RBM19: variants seen among roughly 807,000 people sequenced by gnomAD.
RBM19 encodes RNA binding motif protein 19.
In RBM19, 94 loss-of-function variants were observed where a neutral mutation model predicts 116.8. The observed-to-expected ratio is 0.80, with a 90% CI of 0.68 to 0.95. RBM19 has a LOEUF of 0.95. RBM19 is among the 40% of genes least tolerant of loss of function. RBM19 has a pLI of 0.00. For synonymous variants in RBM19, 475 were observed against 494.1 expected, an observed-to-expected ratio of 0.96 and a Z score of 0.51; for missense variants, 1,161 against 1,220.7, an observed-to-expected ratio of 0.95 and a Z score of 0.73.
At chr12:113,912,954 G>C (rs906668000) in intron 21 of RBM19, among the ~76,000 whole-genome samples, 3 of 152,078 alleles carry the variant, frequency 2.0e-5, no homozygotes, top group Non-Finnish European at 2.9e-5. Flanking sequence ...TAGCAGGTAC[G>C]GCCCTCCAAG....
intron 16 of RBM19, among the ~76,000 whole-genome samples, chr12:113,929,764 A>ATGTAC (rs755291098): frequency 4.6e-5 from 7 of 152,234 alleles, no homozygotes; most frequent in Admixed American, 6.5e-5. Context: ...GAATACCCTG[A>ATGTAC]GTACAGTCTC....
chr12:113,953,378 C>T (rs181830198), intron 7 of RBM19, among the ~76,000 whole-genome samples: 1 of 152,284 alleles, frequency 6.6e-6, no homozygotes, highest in Non-Finnish European at 1.5e-5. Flanking sequence ...ATCCCAGCTA[C>T]CCGAGAGGCT....
At chr12:113,828,659 G>T (rs1025483756) in intron 23 of RBM19, among the ~76,000 whole-genome samples, 3 of 152,190 alleles carry the variant, frequency 2.0e-5, no homozygotes, top group African/African-American at 7.2e-5. Flanking sequence ...CACCCTTGGG[G>T]AGTATGAGGG....
chr12:113,849,360 C>T (rs1017807742), intron 22 of RBM19, among the ~76,000 whole-genome samples: 2 of 152,246 alleles, frequency 1.3e-5, no homozygotes, highest in Non-Finnish European at 1.5e-5. Flanking sequence ...CTTGAGAACA[C>T]GTCTCCAGAC....
intron 21 of RBM19, among the ~76,000 whole-genome samples, chr12:113,899,990 G>A (rs1881582794): frequency 6.6e-6 from 1 of 152,156 alleles, no homozygotes; most frequent in African/African-American, 2.4e-5. Flanking sequence ...CTTGGGGCAG[G>A]AGGGGAGGAA....
intron 7 of RBM19, among the ~76,000 whole-genome samples, chr12:113,953,178 C>CG (rs531455857): frequency 7.6e-4 from 116 of 152,278 alleles, no homozygotes; most frequent in African/African-American, 2.6e-3. Context: ...AAGACATGAT[C>CG]GGGCACTTTC....
rs543723684 is a variant in RBM19 at position 113,886,340 on chromosome 12, C to T, written c.2559-27444G>A. 6.6e-5 allele frequency among the ~76,000 whole-genome samples: 10 copies of T among 152,224 alleles called. No individual in the cohort carries two copies. The South Asian group carries it at 2.1e-3, about 32-fold the overall frequency. ...TAGAGATGGAGTTTCACTATGTTGT[C>T]CATGCTAGTCTCAAACTCTTGGGCT... On this transcript the variant is annotated intron_variant, in intron 21 of 23. Transcript: ENST00000261741.
chr12:113,963,209 C>G (rs983278957), intron 1 of RBM19, among the ~76,000 whole-genome samples: 2 of 152,204 alleles, frequency 1.3e-5, no homozygotes, highest in African/African-American at 4.8e-5. Flanking sequence ...GTTTAAGCCA[C>G]TAAGTTTGTG....
chr12:113,912,200 CG>C, intron 21 of RBM19, among the ~76,000 whole-genome samples: 1 of 152,192 alleles, frequency 6.6e-6, no homozygotes, highest in Non-Finnish European at 1.5e-5. Context: ...CTCCAGCAGG[CG>C]GGGTAGCTTG....
intron 16 of RBM19, among the ~76,000 whole-genome samples, chr12:113,936,300 C>A (rs1870056249): frequency 6.6e-6 from 1 of 152,126 alleles, no homozygotes; most frequent in African/African-American, 2.4e-5. Flanking sequence ...TTGGTCTTGG[C>A]TTCTAAGATG....
chr12:113,944,093 G>GTTTTTTTTTTTTTTTTTTTTTTTT (rs71433305), intron 13 of RBM19, among the ~76,000 whole-genome samples: 4 of 67,662 alleles, frequency 5.9e-5, no homozygotes, highest in Non-Finnish European at 7.7e-5. Context: ...CCAGATGCAT[G>GTTTTTTTTTTTTTTTTTTTTTTTT]TTTTTTTTTT....
In RBM19 at chr12:113,925,510, G is replaced by C. The variant is rs566098838; in HGVS notation, c.2245-753C>G. ...ACAGAAAGGCTGAAGGACTCACTCA[G>C]GGTCACATCATTAGCAAGGGGCAAA... On this transcript the variant is annotated intron_variant, in intron 17 of 23. Transcript: ENST00000261741. Among the ~76,000 whole-genome samples the C allele has an allele frequency of 4.8e-4, 73 of 152,320 alleles. 1 individual carries two copies. The highest frequency in any genetic ancestry group is 1.6e-3 in the African/African-American group (67 of 41,558).
At chr12:113,956,214 A>G (rs1461738554) in intron 6 of RBM19, among the ~76,000 whole-genome samples, 2 of 152,196 alleles carry the variant, frequency 1.3e-5, no homozygotes, top group Non-Finnish European at 2.9e-5. Flanking sequence ...GGCAGAAAAT[A>G]AAAGGAGGGA....
At chr12:113,849,332 G>A (rs1289914507) in intron 22 of RBM19, among the ~76,000 whole-genome samples, 2 of 152,266 alleles carry the variant, frequency 1.3e-5, no homozygotes, top group South Asian at 2.1e-4. Context: ...ACACTGTGGC[G>A]TCTCCTTCAC....
intron 18 of RBM19, among the ~76,000 whole-genome samples, chr12:113,922,315 C>T (rs1425870929): frequency 6.6e-6 from 1 of 152,242 alleles, no homozygotes; most frequent in African/African-American, 2.4e-5. Context: ...TTTCCTGCTG[C>T]AACCCTGACT....
Position 113,826,377 on chromosome 12 carries a change from T to C in RBM19, c.2786-3056A>G, listed in dbSNP as rs377037635. 2.2e-4 allele frequency among the ~76,000 whole-genome samples: 33 copies of C among 152,316 alleles called. No individual in the cohort carries two copies. The South Asian group carries it at 6.6e-3, about 31-fold the overall frequency. ...AATGCCCAGAACTGTGCCTGGCACA[T>C]AGTAGATGCTCAATAAATGTGTGCT... On this transcript the variant is annotated intron_variant, in intron 23 of 23. Coordinates refer to ENST00000261741, the MANE Select transcript of RBM19 (RefSeq NM_016196.4).
At chr12:113,855,487 C>T (rs1025149231) in intron 22 of RBM19, among the ~76,000 whole-genome samples, 2 of 152,142 alleles carry the variant, frequency 1.3e-5, no homozygotes, top group East Asian at 1.9e-4. Flanking sequence ...ACACAGGGGG[C>T]GACTATTTAT....
At chr12:113,851,202 C>T (rs1877418049) in intron 22 of RBM19, among the ~76,000 whole-genome samples, 1 of 152,156 alleles carries the variant, frequency 6.6e-6, no homozygotes, top group African/African-American at 2.4e-5. Context: ...CACCATGGAG[C>T]TGAGGGTGAA....
chr12:113,957,804 CT>C lies in RBM19; in HGVS notation c.817del (p.Arg273AspfsTer24). On this transcript the variant is annotated frameshift_variant, in exon 6 of 24. Transcript: ENST00000261741. LOFTEE classifies it high-confidence loss of function. ...QEQGMPAGKK[R>X]PPEARAETEK... is the part of the protein sequence containing the mutation. ...CACCTCGGCTCTGGCCTCCGGTGGT[CT>C]CTTTTTCCCAGCTGGCATCCCTTGC... is the stretch of plus-strand genomic sequence containing the variant. 3 of 1,602,326 alleles carry C rather than the reference CT, an allele frequency of 1.9e-6. No individual in the cohort carries two copies. The highest frequency in any genetic ancestry group is 2.6e-6 in the Non-Finnish European group (3 of 1,173,052).
Sources: gnomAD v4.1 joint callset for allele counts (sites outside exome capture counted in the v4.1 genomes callset) on GRCh38, gnomAD v4.1.1 for gene constraint, MANE v1.5 for transcripts, NCBI Gene and HGNC (gene_info 2026-07-23, HGNC 2026-07-21) for gene names.